EXOC6B: variants seen among roughly 807,000 people sequenced by gnomAD.
EXOC6B encodes the protein exocyst complex component 6B, also known as SEC15 homolog B.
A neutral mutation model predicts 113.5 loss-of-function variants in EXOC6B; 54 were observed. The ratio of observed to expected loss-of-function variants is 0.48; its 90% confidence interval spans 0.38 to 0.60. The LOEUF is 0.60. Ranked by LOEUF, EXOC6B falls within the 20% of genes least tolerant of loss-of-function variation. The pLI is 0.00. For synonymous variants in EXOC6B, 357 were observed against 339.0 expected, an observed-to-expected ratio of 1.05 and a Z score of -0.58; for missense variants, 797 against 977.5, an observed-to-expected ratio of 0.82 and a Z score of 2.46.
At chr2:72,579,839 A>T (rs1705095038) in intron 6 of EXOC6B, among the ~76,000 whole-genome samples, 1 of 152,196 alleles carries the variant, frequency 6.6e-6, no homozygotes, top group African/African-American at 2.4e-5. Flanking sequence ...AAGAAGATTT[A>T]GGCCTTAGAG....
chr2:72,350,572 T>G (rs2104940662), intron 19 of EXOC6B, among the ~76,000 whole-genome samples: 1 of 152,276 alleles, frequency 6.6e-6, no homozygotes, highest in Admixed American at 6.5e-5. Flanking sequence ...CCCTTTTCTC[T>G]TTTCCTAAAA....
intron 18 of EXOC6B, among the ~76,000 whole-genome samples, chr2:72,420,366 T>A (rs967100020): frequency 2.0e-5 from 3 of 152,158 alleles, no homozygotes; most frequent in Non-Finnish European, 4.4e-5. Flanking sequence ...TAGGTATTTT[T>A]CCTAATGCTA....
intron 18 of EXOC6B, among the ~76,000 whole-genome samples, chr2:72,426,009 G>T (rs1695179974): frequency 6.6e-6 from 1 of 152,064 alleles, no homozygotes; most frequent in African/African-American, 2.4e-5. Flanking sequence ...CTGGTATTTA[G>T]TAAACCTTCT....
Position 72,471,179 on chromosome 2 carries a change from T to C in EXOC6B, c.1801-5840A>G, listed in dbSNP as rs1374381919. Among the ~76,000 whole-genome samples the C allele has an allele frequency of 3.9e-5, 6 of 152,310 alleles. No individual in the cohort carries two copies. In the South Asian group the frequency reaches 1.0e-3, roughly 26 times the overall value. On this transcript the variant is annotated intron_variant, in intron 17 of 21. Transcript: ENST00000272427. ...CCATTCTAACTGGTGTGAGATGGTA[T>C]CTCATTGTGGTTTTGATTTGCATTT... is the stretch of plus-strand genomic sequence containing the variant.
Position 72,826,025 on chromosome 2 carries a change from C to T in EXOC6B, c.-115G>A. ...AGCCGCCCCAGCCTCTGGCTACCCG[C>T]AGGCCGACCCCTCCCTCAGGCTCGA... On this transcript the variant is annotated 5_prime_UTR_variant, in exon 1 of 22. Transcript: ENST00000272427. 2 of 1,473,586 alleles carry T rather than the reference C, an allele frequency of 1.4e-6. No individual in the cohort carries two copies. Among genetic ancestry groups the T allele is most frequent in the Non-Finnish European group, 1.8e-6 (2 of 1,108,844 alleles). The allele number at this position is 1,473,586 out of a possible 1,614,324, so 91.3% of individuals were successfully genotyped here.
intron 20 of EXOC6B, among the ~76,000 whole-genome samples, chr2:72,321,874 T>C (rs972773553): frequency 1.3e-5 from 2 of 152,188 alleles, no homozygotes; most frequent in African/African-American, 4.8e-5. Context: ...ATGAATTTAC[T>C]GAAGGTAAAT....
intron 17 of EXOC6B, among the ~76,000 whole-genome samples, chr2:72,478,138 CT>C (rs1337251692): frequency 6.6e-6 from 1 of 152,126 alleles, no homozygotes; most frequent in Non-Finnish European, 1.5e-5. Context: ...GGACAAAGTA[CT>C]TTTTCTGTCT....
At chr2:72,208,737 A>G (rs981407550) in intron 20 of EXOC6B, among the ~76,000 whole-genome samples, 1 of 152,030 alleles carries the variant, frequency 6.6e-6, no homozygotes, top group Non-Finnish European at 1.5e-5. Flanking sequence ...CCTCAAAAAC[A>G]CCAGTTCCAA....
intron 8 of EXOC6B, among the ~76,000 whole-genome samples, chr2:72,521,790 G>A (rs1031572216): frequency 3.3e-5 from 5 of 151,982 alleles, no homozygotes; most frequent in African/African-American, 9.7e-5. Flanking sequence ...TCCGCCTCCC[G>A]GGTTCAAGCG....
At chr2:72,217,648 C>A (rs981872612) in intron 20 of EXOC6B, among the ~76,000 whole-genome samples, 1 of 152,094 alleles carries the variant, frequency 6.6e-6, no homozygotes. Flanking sequence ...CTTCAGAGGG[C>A]CAGACACAAG....
chr2:72,576,635 A>G (rs936194333), intron 6 of EXOC6B, among the ~76,000 whole-genome samples: 4 of 152,094 alleles, frequency 2.6e-5, no homozygotes, highest in African/African-American at 9.7e-5. Flanking sequence ...TTTCCCAAAA[A>G]TGAGTTGTGG....
At chr2:72,455,857 G>T (rs1172427315) in intron 18 of EXOC6B, among the ~76,000 whole-genome samples, 4 of 152,052 alleles carry the variant, frequency 2.6e-5, no homozygotes, top group African/African-American at 9.7e-5. Flanking sequence ...CAGAGAGGGA[G>T]AGGACACTTT....
intron 19 of EXOC6B, among the ~76,000 whole-genome samples, chr2:72,365,338 GA>G (rs529643188): frequency 1.4e-4 from 21 of 151,232 alleles, no homozygotes; most frequent in South Asian, 2.1e-4. Context: ...TTTCCAGTGT[GA>G]AAAAAAAATC....
At chr2:72,612,073 G>A (rs541809668) in intron 6 of EXOC6B, among the ~76,000 whole-genome samples, 79 of 152,022 alleles carry the variant, frequency 5.2e-4, no homozygotes, top group Admixed American at 1.6e-3. Context: ...ACTTGAGGCC[G>A]TAGACTAGCC....
Position 72,422,882 on chromosome 2 carries a change from C to T in EXOC6B, c.1980+42278G>A, listed in dbSNP as rs536024414. Among the ~76,000 whole-genome samples, 311 of 145,250 alleles carry T rather than the reference C, an allele frequency of 2.1e-3. 1 individual carries two copies. Among genetic ancestry groups the T allele is most frequent in the East Asian group, 0.013 (68 of 5,170 alleles). ...CAGGGATTGTAAACGCACCAATCAGCGCCCTGACAAAACAGGCCACTGGGC... is the reference window on the plus strand; with the variant it reads ...CAGGGATTGTAAACGCACCAATCAGTGCCCTGACAAAACAGGCCACTGGGC... On this transcript the variant is annotated intron_variant, in intron 18 of 21. Transcript: ENST00000272427.
chr2:72,408,471 C>T (rs1349539543), intron 18 of EXOC6B, among the ~76,000 whole-genome samples: 1 of 152,198 alleles, frequency 6.6e-6, no homozygotes, highest in Non-Finnish European at 1.5e-5. Context: ...AACCATACTA[C>T]AAGGCTACAG....
chr2:72,349,740 T>G (rs1444084094), intron 19 of EXOC6B, among the ~76,000 whole-genome samples: 1 of 152,158 alleles, frequency 6.6e-6, no homozygotes, highest in African/African-American at 2.4e-5. Context: ...AAAACTATAA[T>G]TGTAAGTACA....
intron 6 of EXOC6B, among the ~76,000 whole-genome samples, chr2:72,660,960 TAAAG>T (rs1674969334): frequency 6.6e-6 from 1 of 151,328 alleles, no homozygotes; most frequent in African/African-American, 2.4e-5. Flanking sequence ...ACAGAGAAAA[TAAAG>T]AAATGCCCTT....
At chr2:72,326,480 G>A (rs966113354) in intron 20 of EXOC6B, among the ~76,000 whole-genome samples, 2 of 152,064 alleles carry the variant, frequency 1.3e-5, no homozygotes, top group Non-Finnish European at 2.9e-5. Context: ...AATGCTGTCT[G>A]TGGACTAAGG....
Sources: gnomAD v4.1 joint callset for allele counts (sites outside exome capture counted in the v4.1 genomes callset) on GRCh38, gnomAD v4.1.1 for gene constraint, MANE v1.5 for transcripts, NCBI Gene and HGNC (gene_info 2026-07-23, HGNC 2026-07-21) for gene names.